LAMA1: variants seen among roughly 807,000 people sequenced by gnomAD.
The protein encoded by LAMA1 is laminin subunit alpha 1, also known as laminin subunit alpha-1.
In LAMA1, 219 loss-of-function variants were observed where a neutral mutation model predicts 348.7. The ratio of observed to expected loss-of-function variants is 0.63; its 90% CI spans 0.56 to 0.70. The LOEUF (loss-of-function observed/expected upper bound fraction) is 0.70. Ranked by LOEUF, LAMA1 falls within the 30% of genes least tolerant of loss-of-function variation. The probability of loss-of-function intolerance (pLI) is 0.00; values close to 1 mark genes in which losing one functional copy is unlikely to be tolerated. For synonymous variants in LAMA1, 1,487 were observed against 1,491.0 expected, an observed-to-expected ratio of 1.00 and a Z score of 0.06; for missense variants, 3,744 against 3,888.0, an observed-to-expected ratio of 0.96 and a Z score of 0.99.
At chr18:7,016,805 T>C in intron 20 of LAMA1, 134 bp from the exon 21 acceptor site, 1 of 819,380 alleles carries the variant, frequency 1.2e-6, no homozygotes, top group Non-Finnish European at 1.9e-6. Flanking sequence ...TCCCCATCCC[T>C]TTATAGCAAA....
rs375612209 is a variant in LAMA1, at chr18:6,999,503, C to T, written c.4605G>A (p.Ser1535=). 1.6e-5 allele frequency: 26 copies of T among 1,613,938 alleles called. No homozygotes were observed. The African/African-American group carries it at 1.9e-4, about 12-fold the overall frequency. Residue 1535 remains serine (S), a synonymous_variant, in exon 32 of 63, where the codon TCG becomes TCA. Coordinates refer to ENST00000389658, the MANE Select transcript of LAMA1 (RefSeq NM_005559.4). ...GTTCACACTCATCGCACCGGAGCCC[C>T]GAGGCCCCCAGCCTGCAAACGCACT... ...SGQCVCRLGA[S]GLRCDECEPR...
Position 7,017,258 on chromosome 18 carries a change from A to G in LAMA1, c.2808+20T>C, listed in dbSNP as rs769198251. ...CCTCTGTACCAAGGCTAAGGTGTCA[A>G]TTAGTCACATGCATCTTACCAAGCA... On this transcript the variant is annotated intron_variant, in intron 20 of 62. Transcript: ENST00000389658. 15 of 1,583,964 alleles carry G rather than the reference A, an allele frequency of 9.5e-6. No homozygotes were observed. Among genetic ancestry groups the G allele is most frequent in the Middle Eastern group, 3.3e-4 (2 of 6,034 alleles).
chr18:6,983,452 G>T (rs1226207241), intron 39 of LAMA1, among the ~76,000 whole-genome samples: 1 of 152,100 alleles, frequency 6.6e-6, no homozygotes, highest in African/African-American at 2.4e-5. Flanking sequence ...ACTCAGAACT[G>T]CTATTCAATC....
At chr18:7,096,905 G>A (rs537575291) in intron 1 of LAMA1, among the ~76,000 whole-genome samples, 9 of 152,180 alleles carry the variant, frequency 5.9e-5, no homozygotes, top group Non-Finnish European at 1.0e-4. Context: ...GGAAGAGAGC[G>A]TCCTTCCAGC....
At chr18:6,979,207 A>G (rs1214750003) in intron 42 of LAMA1, among the ~76,000 whole-genome samples, 2 of 152,334 alleles carry the variant, frequency 1.3e-5, no homozygotes, top group East Asian at 3.9e-4. Context: ...GAAAAAAAAA[A>G]TCTTCCGGAT....
rs1479149330 is a variant in LAMA1, at chr18:7,065,489, G to T, written c.345+14486C>A. Among the ~76,000 whole-genome samples the T allele has an allele frequency of 2.0e-5, 3 of 152,164 alleles. No homozygotes were observed. In the East Asian group the frequency reaches 5.8e-4, roughly 29 times the overall value. ...AATCCCAGCACTTTGGGAGGCCAAG[G>T]TAGGTGAATCACTTATCACTTGAGG... is the stretch of plus-strand genomic sequence containing the variant. On this transcript the variant is annotated intron_variant, in intron 3 of 62. Transcript: ENST00000389658.
intron 33 of LAMA1, 106 bp downstream of exon 33, chr18:6,997,636 G>A: frequency 8.1e-7 from 1 of 1,229,522 alleles, no homozygotes; most frequent in Admixed American, 1.7e-5. Context: ...TGGAAGTTGG[G>A]CTCTCACAAT....
At chr18:7,038,734 T>A in intron 11 of LAMA1, 76 bp downstream of exon 11, 4 of 1,590,742 alleles carry the variant, frequency 2.5e-6, no homozygotes. Context: ...CCTCATTTCC[T>A]CCTCACACAG....
At chr18:7,038,678 G>C in intron 11 of LAMA1, 132 bp downstream of exon 11, 3 of 1,233,040 alleles carry the variant, frequency 2.4e-6, no homozygotes, top group Admixed American at 1.7e-5. Context: ...TTTGACCCAC[G>C]TCAGTATCAT....
intron 3 of LAMA1, among the ~76,000 whole-genome samples, chr18:7,053,138 T>C (rs1463926844): frequency 6.6e-6 from 1 of 152,136 alleles, no homozygotes; most frequent in East Asian, 1.9e-4. Context: ...AAGGCAAAAC[T>C]ATGAAGACAG....
chr18:7,087,241 T>A (rs140015891), intron 1 of LAMA1, among the ~76,000 whole-genome samples: 58 of 152,330 alleles, frequency 3.8e-4, no homozygotes, highest in African/African-American at 1.4e-3. Context: ...TCATCAAGTC[T>A]TTAAATCTAT....
At position 7,030,883 on chromosome 18, in the gene LAMA1, G is replaced by C. The variant is rs79727781; in HGVS notation, c.2274+1183C>G. Among the ~76,000 whole-genome samples, 377 of 138,320 alleles carry C rather than the reference G, an allele frequency of 2.7e-3. 2 individuals are homozygous for C. The highest frequency in any genetic ancestry group is 0.01 in the African/African-American group (369 of 36,016). The allele number at this position is 138,320 out of a possible 152,430, so 90.7% of individuals were successfully genotyped here. On this transcript the variant is annotated intron_variant, in intron 16 of 62. Transcript: ENST00000389658. ...GCAGGAGGCCTTGCAAACCCAAATG[G>C]CAAAGGAAAGGAGGTGAAAAAAAAA...
chr18:6,980,016 A>AC (rs1169903046), intron 42 of LAMA1, among the ~76,000 whole-genome samples: 6 of 148,560 alleles, frequency 4.0e-5, no homozygotes, highest in Admixed American at 2.0e-4. Flanking sequence ...ATTACTGTAG[A>AC]CCCCCCCAAA....
chr18:7,041,106 A>G (rs1031458968), intron 9 of LAMA1, among the ~76,000 whole-genome samples: 5 of 152,188 alleles, frequency 3.3e-5, no homozygotes, highest in African/African-American at 1.2e-4. Flanking sequence ...AATGAATTGT[A>G]GACTTCAAAT....
At chr18:7,098,492 T>G (rs945375207) in intron 1 of LAMA1, among the ~76,000 whole-genome samples, 18 of 147,112 alleles carry the variant, frequency 1.2e-4, no homozygotes, top group Admixed American at 6.7e-5. Context: ...GGAGCGCCTC[T>G]GCCCCGCCGC....
Position 6,985,588 on chromosome 18 carries a change from T to G in LAMA1, c.5435A>C (p.Gln1812Pro). The G allele has an allele frequency of 1.2e-6, 2 of 1,614,170 alleles. No individual in the cohort carries two copies. Among genetic ancestry groups the G allele is most frequent in the Non-Finnish European group, 1.7e-6 (2 of 1,180,028 alleles). ...EQNLTSELIVQGRGLIDAAAA... is the reference protein window; with the variant it reads ...EQNLTSELIVPGRGLIDAAAA... ...AGCAGCATCTATCAATCCTCTTCCT[T>G]GGACAATGAGCTCTGAGGTCAGATT... Residue 1812 changes from glutamine to proline, a missense_variant, in exon 38 of 63, where the codon CAA becomes CCA. This residue lies in a region of LAMA1 where 1,983 missense variants were observed against 1,934.3 expected (regional missense o/e 1.03). Coordinates refer to ENST00000389658, the MANE Select transcript of LAMA1 (RefSeq NM_005559.4).
Position 7,048,951 on chromosome 18 carries a change from G to A in LAMA1, c.768+127C>T, listed in dbSNP as rs1003845669. 4 of 893,748 alleles carry A rather than the reference G, an allele frequency of 4.5e-6. No homozygotes were observed. The African/African-American group carries it at 6.7e-5, about 15-fold the overall frequency. The allele number at this position is 893,748 out of a possible 1,614,324, so 55.4% of individuals were successfully genotyped here. ...TCTTACATGAAATAAGGATACAGCT[G>A]CTGGCAAGAAAAAAGGCCAACATGT... On this transcript the variant is annotated intron_variant, in intron 5 of 62. Transcript: ENST00000389658.
At chr18:7,008,695 T>C in intron 27 of LAMA1, 87 bp from the exon 28 acceptor site, 1 of 1,492,916 alleles carries the variant, frequency 6.7e-7, no homozygotes, top group Non-Finnish European at 9.3e-7. Flanking sequence ...CTTGCATATA[T>C]ATGAAACCAG....
chr18:7,033,103 T>C lies in LAMA1; in HGVS notation c.2052-8A>G, dbSNP rs372874005. ...AGAGAGACGGACTCCAACCTACAAA[T>C]AGACAGATTGTTATGTGACTCACAC... is the stretch of plus-strand genomic sequence containing the variant. On this transcript the variant is annotated splice_region_variant and splice_polypyrimidine_tract_variant and intron_variant, in intron 14 of 62. Transcript: ENST00000389658. The C allele has an allele frequency of 2.0e-5, 32 of 1,579,990 alleles. No homozygotes were observed. Among genetic ancestry groups the C allele is most frequent in the Admixed American group, 8.4e-5 (5 of 59,382 alleles).
Sources: gnomAD v4.1 joint callset for allele counts (sites outside exome capture counted in the v4.1 genomes callset) on GRCh38, gnomAD v4.1.1 for gene constraint, gnomAD v4.1.1 regional missense constraint, MANE v1.5 for transcripts, NCBI Gene and HGNC (gene_info 2026-07-23, HGNC 2026-07-21) for gene names.